The following PTCHD4 variants were observed in gnomAD, a reference collection of about 807,000 sequenced individuals.
The protein encoded by PTCHD4 is patched domain containing 4, also known as patched domain-containing protein 4.
Under a neutral mutation model 58.1 loss-of-function variants are expected in PTCHD4, and 33 were observed. The observed-to-expected ratio is 0.57, with a 90% CI of 0.43 to 0.76. The LOEUF (loss-of-function observed/expected upper bound fraction) is 0.76, where lower values mean the gene tolerates loss of function less well. Ranked by LOEUF, PTCHD4 falls within the 30% of genes least tolerant of loss-of-function variation. PTCHD4 has a pLI of 0.00. For missense variants in PTCHD4, 1,058 were observed against 1,027.1 expected (o/e 1.03, Z -0.41); for synonymous variants, 478 against 409.6 (o/e 1.17, Z -2.02).
intron 4 of PTCHD4, among the ~76,000 whole-genome samples, chr6:48,002,269 C>T (rs1456703889): frequency 6.6e-6 from 1 of 152,040 alleles, no homozygotes; most frequent in Non-Finnish European, 1.5e-5. Context: ...GGGTATATAC[C>T]CAAAGGAGTA....
intron 4 of PTCHD4, among the ~76,000 whole-genome samples, chr6:47,930,459 G>T (rs1339087404): frequency 2.6e-5 from 4 of 152,150 alleles, no homozygotes; most frequent in Admixed American, 6.5e-5. Flanking sequence ...CAAAACCTTA[G>T]CTATGTGTGT....
intron 4 of PTCHD4, among the ~76,000 whole-genome samples, chr6:47,953,513 A>T (rs983297642): frequency 6.6e-6 from 1 of 152,178 alleles, no homozygotes; most frequent in Non-Finnish European, 1.5e-5. Context: ...ATATCCCTAT[A>T]GGTTATAGTA....
intron 3 of PTCHD4, among the ~76,000 whole-genome samples, chr6:48,044,518 T>G (rs1218744958): frequency 6.6e-6 from 1 of 151,792 alleles, no homozygotes; most frequent in African/African-American, 2.4e-5. Flanking sequence ...TTGAAAAAAA[T>G]AATGATTGAG....
At chr6:48,074,632 C>G (rs1765028848) in intron 1 of PTCHD4, among the ~76,000 whole-genome samples, 1 of 152,244 alleles carries the variant, frequency 6.6e-6, no homozygotes, top group Admixed American at 6.5e-5. Context: ...AGCCTCCTCT[C>G]TGAGCACATT....
At position 47,862,039 on chromosome 6, in the gene PTCHD4, C is replaced by T. The variant is rs891899741; in HGVS notation, c.*16264G>A. Among the ~76,000 whole-genome samples, 2 of 151,832 alleles carry T rather than the reference C, an allele frequency of 1.3e-5. No individual in the cohort carries two copies. The highest frequency in any genetic ancestry group is 4.8e-5 in the African/African-American group (2 of 41,390). On this transcript the variant is annotated 3_prime_UTR_variant, in exon 5 of 5. Transcript: ENST00000339488. ...CTATTATTGAACATAACCCAGTACT[C>T]TAAGTATTCGAATTTAATACAAAAA...
At chr6:47,941,716 G>A (rs1486155645) in intron 4 of PTCHD4, among the ~76,000 whole-genome samples, 1 of 152,196 alleles carries the variant, frequency 6.6e-6, no homozygotes. Flanking sequence ...GTAAAATGAA[G>A]TTAATGATAG....
At chr6:47,892,203 G>A (rs1290707593) in intron 4 of PTCHD4, among the ~76,000 whole-genome samples, 1 of 151,992 alleles carries the variant, frequency 6.6e-6, no homozygotes, top group East Asian at 1.9e-4. Flanking sequence ...TCTGGAGTGG[G>A]GCTGAAAATC....
intron 4 of PTCHD4, among the ~76,000 whole-genome samples, chr6:48,003,163 T>G (rs563976867): frequency 6.6e-6 from 1 of 152,296 alleles, no homozygotes; most frequent in South Asian, 2.1e-4. Context: ...ATATTTATCT[T>G]TATACTTGAT....
At chr6:48,080,706 A>G (rs1765149658) in intron 1 of PTCHD4, among the ~76,000 whole-genome samples, 5 of 152,234 alleles carry the variant, frequency 3.3e-5, no homozygotes, top group Admixed American at 2.6e-4. Context: ...AGAAGTATAA[A>G]TGTCACTAAG....
intron 4 of PTCHD4, among the ~76,000 whole-genome samples, chr6:47,960,312 A>G (rs1291690732): frequency 6.6e-6 from 1 of 152,156 alleles, no homozygotes. Context: ...CAAAGAAAAG[A>G]TGGGACAAAT....
intron 1 of PTCHD4, among the ~76,000 whole-genome samples, chr6:48,089,684 G>C (rs1486832716): frequency 6.6e-6 from 1 of 152,082 alleles, no homozygotes; most frequent in African/African-American, 2.4e-5. Context: ...AATAGTATTT[G>C]ATATCTCACA....
chr6:48,036,167 G>A (rs994679276), intron 3 of PTCHD4, among the ~76,000 whole-genome samples: 7 of 151,842 alleles, frequency 4.6e-5, no homozygotes, highest in African/African-American at 9.7e-5. Context: ...TTTCACTTCC[G>A]AGAAATTAAG....
intron 1 of PTCHD4, among the ~76,000 whole-genome samples, chr6:48,094,509 A>C (rs1765424004): frequency 6.6e-6 from 1 of 152,228 alleles, no homozygotes; most frequent in Non-Finnish European, 1.5e-5. Flanking sequence ...GCTGTGTAAT[A>C]CAATCAACTG....
intron 4 of PTCHD4, among the ~76,000 whole-genome samples, chr6:48,002,380 C>T (rs1768763956): frequency 6.6e-6 from 1 of 152,070 alleles, no homozygotes; most frequent in Non-Finnish European, 1.5e-5. Flanking sequence ...CAATGATAGA[C>T]TGGATTAAGA....
intron 4 of PTCHD4, among the ~76,000 whole-genome samples, chr6:47,979,791 AGG>A (rs1767814608): frequency 6.6e-6 from 1 of 152,070 alleles, no homozygotes; most frequent in South Asian, 2.1e-4. Flanking sequence ...TACTATCCTT[AGG>A]TAAAGCACTA....
intron 4 of PTCHD4, among the ~76,000 whole-genome samples, chr6:48,003,095 A>G (rs370396338): frequency 6.6e-6 from 1 of 151,902 alleles, no homozygotes; most frequent in Non-Finnish European, 1.5e-5. Context: ...CATCTTCCCA[A>G]TTTCTAACCA....
At chr6:47,915,571 ATT>A (rs35234678) in intron 4 of PTCHD4, among the ~76,000 whole-genome samples, 7,060 of 144,638 alleles carry the variant, frequency 0.049, 209 homozygotes, top group African/African-American at 0.063. Context: ...TAGAAGACAG[ATT>A]TTTTTTTTTT....
intron 1 of PTCHD4, among the ~76,000 whole-genome samples, chr6:48,095,202 T>A (rs956332186): frequency 6.6e-6 from 1 of 152,248 alleles, no homozygotes; most frequent in South Asian, 2.1e-4. Context: ...ATTTCACATG[T>A]ATACAGTGTA....
chr6:48,097,182 G>A (rs148525194), intron 1 of PTCHD4, among the ~76,000 whole-genome samples: 23 of 151,958 alleles, frequency 1.5e-4, no homozygotes, highest in African/African-American at 4.8e-4. Context: ...AAATGTGCTT[G>A]AGAAAGACAA....
Sources: gnomAD v4.1 joint callset for allele counts (sites outside exome capture counted in the v4.1 genomes callset) on GRCh38, gnomAD v4.1.1 for gene constraint, MANE v1.5 for transcripts, NCBI Gene and HGNC (gene_info 2026-07-23, HGNC 2026-07-21) for gene names.